The following AGTR1 variants were observed in gnomAD, a reference collection of about 807,000 sequenced individuals.
The protein encoded by AGTR1 is angiotensin II receptor type 1.
AGTR1 carries 16 observed loss-of-function variants against 19.4 expected under a neutral mutation model. The ratio of observed to expected loss-of-function variants is 0.82; its 90% CI spans 0.56 to 1.25. The LOEUF is 1.25. Among genes scored for constraint, AGTR1 ranks in the 50% most tolerant of loss-of-function variants. The pLI, the probability that AGTR1 is intolerant of heterozygous loss-of-function variation, is 0.00. For synonymous variants in AGTR1, 153 were observed against 154.9 expected, an observed-to-expected ratio of 0.99 and a Z score of 0.09; for missense variants, 373 against 431.9, an observed-to-expected ratio of 0.86 and a Z score of 1.21.
intron 2 of AGTR1, among the ~76,000 whole-genome samples, chr3:148,709,358 A>G (rs1000677989): frequency 1.3e-5 from 2 of 152,154 alleles, no homozygotes; most frequent in African/African-American, 4.8e-5. Flanking sequence ...CCTGCTGGAA[A>G]TGATTCTTGG....
chr3:148,732,132 GC>G (rs1320774513), intron 2 of AGTR1, among the ~76,000 whole-genome samples: 1 of 152,104 alleles, frequency 6.6e-6, no homozygotes, highest in African/African-American at 2.4e-5. Flanking sequence ...ATCACATTGC[GC>G]CCCCCTCTTC....
chr3:148,717,664 G>A (rs1713378936), intron 2 of AGTR1, among the ~76,000 whole-genome samples: 2 of 152,272 alleles, frequency 1.3e-5, no homozygotes, highest in South Asian at 2.1e-4. Context: ...ATAGAATAAA[G>A]CAGATATTTT....
chr3:148,732,022 G>A (rs982282682), intron 2 of AGTR1, among the ~76,000 whole-genome samples: 1 of 151,946 alleles, frequency 6.6e-6, no homozygotes, highest in Non-Finnish European at 1.5e-5. Flanking sequence ...TTTTTATCTG[G>A]GCAATTAGAC....
rs529558146 is a variant in AGTR1, at chr3:148,721,707, G to A, written c.-48+13680G>A. ...AGAGCTGGGAGTCCAGAGAGGCCAA[G>A]GAGGCTAGAGTTCAGAGTACCAGAG... On this transcript the variant is annotated intron_variant, in intron 2 of 2. Coordinates refer to ENST00000349243, the MANE Select transcript of AGTR1 (RefSeq NM_000685.5). 2.0e-5 allele frequency among the ~76,000 whole-genome samples: 3 copies of A among 152,302 alleles called. No homozygotes were observed. The East Asian group carries it at 5.8e-4, about 29-fold the overall frequency.
chr3:148,702,481 C>T (rs917692817), intron 1 of AGTR1, among the ~76,000 whole-genome samples: 5 of 152,078 alleles, frequency 3.3e-5, no homozygotes, highest in Non-Finnish European at 5.9e-5. Flanking sequence ...GGATACAAGC[C>T]AAAGTATAAA....
At position 148,742,830 on chromosome 3, in the gene AGTR1, G is replaced by A. The variant is rs1714995976; in HGVS notation, c.*715G>A. 1.2e-5 allele frequency: 2 copies of A among 167,408 alleles called. No individual in the cohort carries two copies. Among genetic ancestry groups the A allele is most frequent in the Non-Finnish European group, 2.9e-5 (2 of 68,476 alleles). 10.4% of individuals were successfully genotyped at this position (167,408 alleles called of 1,614,324 possible). On this transcript the variant is annotated 3_prime_UTR_variant, in exon 3 of 3. Transcript: ENST00000349243. The stretch of plus-strand genomic sequence containing the variant: ...ATTAGTTTGATTTAATATCTGAGAA[G>A]TGTATATAGTTTGTGGTAAAAAGAT...
intron 2 of AGTR1, among the ~76,000 whole-genome samples, chr3:148,710,983 C>T (rs1435784619): frequency 1.3e-5 from 2 of 152,140 alleles, no homozygotes; most frequent in East Asian, 1.9e-4. Flanking sequence ...ATCCTGTGGC[C>T]TCACCAGAAG....
chr3:148,715,164 TAC>T (rs1713222139), intron 2 of AGTR1, among the ~76,000 whole-genome samples: 1 of 152,182 alleles, frequency 6.6e-6, no homozygotes, highest in Admixed American at 6.6e-5. Context: ...TCTAAAAATG[TAC>T]AGATAATCTG....
At position 148,698,073 on chromosome 3, in the gene AGTR1, C is replaced by G. The variant is rs1712071192; in HGVS notation, c.-186C>G. On this transcript the variant is annotated 5_prime_UTR_variant, in exon 1 of 3. Coordinates refer to ENST00000349243, the MANE Select transcript of AGTR1 (RefSeq NM_000685.5). The stretch of plus-strand genomic sequence containing the variant: ...GGACGCCGAGGCGGCGGGCGGGAGA[C>G]CCGCACCAGCGCAGCCGGCCCTCGG... 1 of 152,206 alleles carries G rather than the reference C, an allele frequency of 6.6e-6. No homozygotes were observed. The highest frequency in any genetic ancestry group is 1.5e-5 in the Non-Finnish European group (1 of 68,068). The allele number at this position is 152,206 out of a possible 1,614,324, so 9.4% of individuals were successfully genotyped here.
At chr3:148,717,785 G>A (rs1215657389) in intron 2 of AGTR1, among the ~76,000 whole-genome samples, 1 of 152,174 alleles carries the variant, frequency 6.6e-6, no homozygotes, top group South Asian at 2.1e-4. Flanking sequence ...GTGGTCTGTA[G>A]TACAAATTAT....
Position 148,724,000 on chromosome 3 carries a change from T to G in AGTR1, c.-48+15973T>G, listed in dbSNP as rs145209029. ...CTAAGTTTCAAATTGGCAGCCTTTT[T>G]AACTAAATCTAATCTAGAAGAGTTC... On this transcript the variant is annotated intron_variant, in intron 2 of 2. Transcript: ENST00000349243. Among the ~76,000 whole-genome samples, 884 of 152,338 alleles carry G rather than the reference T, an allele frequency of 5.8e-3. 9 individuals carry two copies. Among genetic ancestry groups the G allele is most frequent in the South Asian group, 0.056 (273 of 4,832 alleles).
chr3:148,742,208 A>G lies in AGTR1; in HGVS notation c.*93A>G, dbSNP rs5187. The G allele has an allele frequency of 1.7e-3, 2,623 of 1,515,112 alleles. 24 individuals are homozygous for G. The African/African-American group carries it at 0.03, about 17-fold the overall frequency. The allele number at this position is 1,515,112 out of a possible 1,614,324, so 93.9% of individuals were successfully genotyped here. ...CTTCACTACCAAATGAGCATTAGCTACTTTTCAGAATTGAAGGAGAAAATG... is the reference window on the plus strand; with the variant it reads ...CTTCACTACCAAATGAGCATTAGCTGCTTTTCAGAATTGAAGGAGAAAATG... On this transcript the variant is annotated 3_prime_UTR_variant, in exon 3 of 3. Transcript: ENST00000349243.
intron 2 of AGTR1, among the ~76,000 whole-genome samples, chr3:148,733,405 A>C (rs12721300): frequency 4.6e-5 from 7 of 152,348 alleles, no homozygotes; most frequent in African/African-American, 1.7e-4. Flanking sequence ...TAATTTCTTA[A>C]GGGTACAAAT....
At chr3:148,723,229 C>T (rs1576532275) in intron 2 of AGTR1, among the ~76,000 whole-genome samples, 1 of 152,072 alleles carries the variant, frequency 6.6e-6, no homozygotes, top group Non-Finnish European at 1.5e-5. Flanking sequence ...ACATTAGTAT[C>T]AAAAGGACAA....
At position 148,741,732 on chromosome 3, in the gene AGTR1, C is replaced by A. The variant is rs151206107; in HGVS notation, c.697C>A (p.Pro233Thr). 90 of 1,613,748 alleles carry A rather than the reference C, an allele frequency of 5.6e-5. No homozygotes were observed. Among genetic ancestry groups the A allele is most frequent in the Admixed American group, 1.2e-4 (7 of 59,982 alleles). The change falls in exon 3 of 3, where the codon CCA (proline) becomes ACA (threonine). Residue 233 changes from proline (P) to threonine (T), a missense_variant. Transcript: ENST00000349243. ...GGCTTATGAAATTCAGAAGAACAAA[C>A]CAAGAAATGATGATATTTTTAAGAT... ...KKAYEIQKNK[P>T]RNDDIFKIIM...
intron 2 of AGTR1, among the ~76,000 whole-genome samples, chr3:148,717,965 A>T (rs1261486144): frequency 1.3e-5 from 2 of 152,204 alleles, no homozygotes; most frequent in African/African-American, 2.4e-5. Flanking sequence ...AAGGATTGGG[A>T]TGAGTTATTT....
intron 2 of AGTR1, among the ~76,000 whole-genome samples, chr3:148,710,928 A>T (rs959485955): frequency 6.6e-6 from 1 of 152,118 alleles, no homozygotes; most frequent in Non-Finnish European, 1.5e-5. Context: ...TGCTCTCGCC[A>T]TGTGACATGC....
At chr3:148,712,328 A>G (rs1241083224) in intron 2 of AGTR1, among the ~76,000 whole-genome samples, 1 of 152,132 alleles carries the variant, frequency 6.6e-6, no homozygotes, top group Non-Finnish European at 1.5e-5. Context: ...GCCTTTCCTG[A>G]ATCTAAACAA....
At chr3:148,703,120 C>T (rs1712450613) in intron 1 of AGTR1, among the ~76,000 whole-genome samples, 1 of 152,180 alleles carries the variant, frequency 6.6e-6, no homozygotes, top group African/African-American at 2.4e-5. Context: ...GACAAGAATA[C>T]TGGAATCACC....
Sources: gnomAD v4.1 joint callset for allele counts (sites outside exome capture counted in the v4.1 genomes callset) on GRCh38, gnomAD v4.1.1 for gene constraint, MANE v1.5 for transcripts, NCBI Gene and HGNC (gene_info 2026-07-23, HGNC 2026-07-21) for gene names.